C14orf39: variants seen among roughly 807,000 people sequenced by gnomAD.
C14orf39 encodes protein SIX6OS1.
C14orf39 carries 66 observed loss-of-function variants against 85.6 expected under a neutral mutation model. The observed-to-expected ratio is 0.77, with a 90% CI of 0.63 to 0.95. The LOEUF (loss-of-function observed/expected upper bound fraction) is 0.95, where lower values mean the gene tolerates loss of function less well. C14orf39 is among the 40% of genes least tolerant of loss of function. C14orf39 has a pLI of 0.00. For missense variants in C14orf39, 735 were observed against 663.9 expected (o/e 1.11, Z -1.18); for synonymous variants, 242 against 214.0 (o/e 1.13, Z -1.14).
At chr14:60,481,045 A>C (rs1475450928) in intron 4 of C14orf39, among the ~76,000 whole-genome samples, 1 of 152,184 alleles carries the variant, frequency 6.6e-6, no homozygotes, top group African/African-American at 2.4e-5. Context: ...GATCTACTGC[A>C]CCGTATAGTG....
chr14:60,510,636 G>C (rs961512192), intron 1 of C14orf39, among the ~76,000 whole-genome samples: 59 of 152,204 alleles, frequency 3.9e-4, no homozygotes, highest in African/African-American at 1.3e-3. Flanking sequence ...CCTTTAGGTC[G>C]GGCCGACCCG....
intron 13 of C14orf39, 25 bp from the exon 14 acceptor site, chr14:60,458,764 T>G: frequency 6.5e-7 from 1 of 1,543,294 alleles, no homozygotes; most frequent in Non-Finnish European, 8.8e-7. Flanking sequence ...GAACAAACTA[T>G]TTTTCTTTTT....
chr14:60,490,579 G>A (rs548074305), upstream of C14orf39, among the ~76,000 whole-genome samples: 4 of 152,154 alleles, frequency 2.6e-5, no homozygotes, highest in Non-Finnish European at 5.9e-5. Context: ...AGCTATGATC[G>A]CACCACTGCA....
At chr14:60,444,325 C>G (rs1414956701) in intron 16 of C14orf39, among the ~76,000 whole-genome samples, 1 of 152,074 alleles carries the variant, frequency 6.6e-6, no homozygotes, top group African/African-American at 2.4e-5. Context: ...GAATGGCTAA[C>G]TAGAATAAAC....
intron 8 of C14orf39, 109 bp from the exon 9 acceptor site, chr14:60,468,645 G>A: frequency 1.9e-6 from 1 of 531,868 alleles, no homozygotes. Flanking sequence ...TCATATTTTT[G>A]ATAGCATTTA....
In C14orf39 at chr14:60,471,409, G is replaced by C; in HGVS notation, c.554+8C>G. ...AAAAATTATAAGTACAAATACTATT[G>C]TGGATACATGTTTAAAGTCCATTTA... On this transcript the variant is annotated splice_region_variant and intron_variant, in intron 7 of 17. Coordinates refer to ENST00000321731, the MANE Select transcript of C14orf39 (RefSeq NM_174978.3). 1 of 1,572,544 alleles carries C rather than the reference G, an allele frequency of 6.4e-7. No homozygotes were observed. Among genetic ancestry groups the C allele is most frequent in the Non-Finnish European group, 8.6e-7 (1 of 1,156,498 alleles).
chr14:60,485,356 T>C (rs1283219871), intron 1 of C14orf39, among the ~76,000 whole-genome samples: 3 of 152,198 alleles, frequency 2.0e-5, no homozygotes, highest in Non-Finnish European at 4.4e-5. Context: ...TAACCGCTTA[T>C]GCGTGGGATT....
At chr14:60,451,132 A>G (rs1048487175) in intron 16 of C14orf39, among the ~76,000 whole-genome samples, 11 of 152,158 alleles carry the variant, frequency 7.2e-5, no homozygotes, top group Admixed American at 6.5e-4. Flanking sequence ...ACCAGGGACC[A>G]GTCCTGGTGA....
chr14:60,511,167 C>A, intron 1 of C14orf39: 2 of 1,612,472 alleles, frequency 1.2e-6, no homozygotes, highest in South Asian at 2.2e-5. Flanking sequence ...CTGGGCGTCG[C>A]CACCAGCCCG....
rs774460652 is a variant in C14orf39, at chr14:60,484,054, T to C, written c.107-237A>G. Among the ~76,000 whole-genome samples, 1 of 152,304 alleles carries C rather than the reference T, an allele frequency of 6.6e-6. No individual in the cohort carries two copies. Among genetic ancestry groups the C allele is most frequent in the African/African-American group, 2.4e-5 (1 of 41,566 alleles). ...AGTTTGGGAATGATGAAAAAATAAATGTCCCTTGTACCTCATCTTTAACAT... is the reference window on the plus strand; with the variant it reads ...AGTTTGGGAATGATGAAAAAATAAACGTCCCTTGTACCTCATCTTTAACAT... On this transcript the variant is annotated intron_variant, in intron 3 of 17. Transcript: ENST00000321731. The surrounding 1 kb of genome is among the most constrained non-coding windows in gnomAD (Gnocchi z 4.2).
chr14:60,451,787 G>A (rs1359353027), intron 16 of C14orf39, among the ~76,000 whole-genome samples: 2 of 151,912 alleles, frequency 1.3e-5, no homozygotes, highest in South Asian at 2.1e-4. Context: ...GTATACATAC[G>A]TAACAAACCT....
intron 16 of C14orf39, among the ~76,000 whole-genome samples, chr14:60,447,417 C>A (rs1371764399): frequency 2.0e-5 from 3 of 152,026 alleles, no homozygotes; most frequent in Non-Finnish European, 4.4e-5. Context: ...GACAGAGAGC[C>A]AAATCATGAG....
intron 16 of C14orf39, among the ~76,000 whole-genome samples, chr14:60,454,157 T>C (rs1430955988): frequency 2.1e-5 from 3 of 139,964 alleles, no homozygotes; most frequent in Admixed American, 7.2e-5. Flanking sequence ...TATAGTACTA[T>C]ATCATCCATC....
chr14:60,477,541 T>G (rs12434902), intron 5 of C14orf39, among the ~76,000 whole-genome samples: 95,909 of 152,016 alleles, frequency 0.63, 31,290 homozygotes, highest in Admixed American at 0.71. Flanking sequence ...ATACATATAA[T>G]AAAATAAATT....
intron 1 of C14orf39, chr14:60,511,669 C>A: frequency 3.5e-6 from 1 of 284,434 alleles, no homozygotes; most frequent in Non-Finnish European, 6.8e-6. Flanking sequence ...TGTTTATTTA[C>A]TTATTTAAGA....
intron 17 of C14orf39, among the ~76,000 whole-genome samples, chr14:60,441,580 C>T (rs1890513007): frequency 6.6e-6 from 1 of 152,156 alleles, no homozygotes; most frequent in African/African-American, 2.4e-5. Context: ...CCCACTGGAA[C>T]ATAAACCATA....
chr14:60,468,352 T>A, intron 9 of C14orf39, 93 bp downstream of exon 9: 1 of 634,176 alleles, frequency 1.6e-6, no homozygotes. Context: ...AGATACTGTG[T>A]AAATATTAGT....
chr14:60,482,644 T>A (rs1269700046), intron 4 of C14orf39, among the ~76,000 whole-genome samples: 1 of 152,216 alleles, frequency 6.6e-6, no homozygotes, highest in African/African-American at 2.4e-5. Flanking sequence ...GATCTCTATA[T>A]GTGGAAGTAT....
upstream of C14orf39, among the ~76,000 whole-genome samples, chr14:60,489,388 T>C (rs1375008517): frequency 6.6e-6 from 1 of 152,244 alleles, no homozygotes; most frequent in Non-Finnish European, 1.5e-5. Context: ...AAGTGGAAAT[T>C]GTAATAACTC....
Sources: gnomAD v4.1 joint callset for allele counts (sites outside exome capture counted in the v4.1 genomes callset) on GRCh38, gnomAD v4.1.1 for gene constraint, Gnocchi (gnomAD v3.1) non-coding constraint, MANE v1.5 for transcripts, NCBI Gene and HGNC (gene_info 2026-07-23, HGNC 2026-07-21) for gene names.